The following ACTG2 variants were observed in gnomAD, a reference collection of about 807,000 sequenced individuals.
ACTG2 encodes the protein actin, gamma-enteric smooth muscle.
ACTG2 carries 16 observed loss-of-function variants against 37.6 expected under a neutral mutation model. The observed-to-expected ratio is 0.43, with a 90% confidence interval of 0.29 to 0.65. ACTG2 has a LOEUF of 0.65. Among genes scored for constraint, ACTG2 ranks in the 30% least tolerant of loss-of-function variants. ACTG2 has a pLI of 0.18. For missense variants in ACTG2, 238 were observed against 490.9 expected (o/e 0.48, Z 4.87); for synonymous variants, 181 against 179.9 (o/e 1.01, Z -0.05).
intron 5 of ACTG2, among the ~76,000 whole-genome samples, chr2:73,910,671 G>GTCTTT (rs70965766): frequency 0.61 from 90,967 of 150,298 alleles, 28,406 homozygotes; most frequent in Admixed American, 0.72. Context: ...GCTTATTTTT[G>GTCTTT]TCTTTATTTA....
Position 73,901,432 on chromosome 2 carries a change from C to T in ACTG2, c.121C>T (p.His41Tyr). ...CCCCTCCATTGTGGGCCGCCCTCGCCACCAGGTGCGTGCTCATCTGGATAC... is the reference window on the plus strand; with the variant it reads ...CCCCTCCATTGTGGGCCGCCCTCGCTACCAGGTGCGTGCTCATCTGGATAC... ...VFPSIVGRPRHQGVMVGMGQK... is the reference protein window; with the variant it reads ...VFPSIVGRPRYQGVMVGMGQK... The change falls in exon 2 of 9, where the codon CAC becomes TAC. Residue 41 changes from histidine (H) to tyrosine (Y), a missense_variant. Transcript: ENST00000345517. 6.2e-7 allele frequency: 1 copy of T among 1,614,034 alleles called. No homozygotes were observed. Among genetic ancestry groups the T allele is most frequent in the Non-Finnish European group, 8.5e-7 (1 of 1,179,990 alleles).
intron 3 of ACTG2, among the ~76,000 whole-genome samples, chr2:73,904,739 T>TTGTGTGTG (rs370499600): frequency 1.3e-4 from 13 of 103,814 alleles, no homozygotes; most frequent in South Asian, 7.2e-4. Flanking sequence ...CTATAAATCA[T>TTGTGTGTG]TGTGTGTGTG....
At chr2:73,897,783 C>T (rs1284696526) in intron 1 of ACTG2, among the ~76,000 whole-genome samples, 2 of 152,114 alleles carry the variant, frequency 1.3e-5, no homozygotes, top group African/African-American at 4.8e-5. Context: ...TGGTGAGAGC[C>T]CAGAGTCTGC....
rs192750159 is a variant in ACTG2, at chr2:73,918,232, G to A, written c.988-1200G>A. The stretch of plus-strand genomic sequence containing the variant: ...TTGTTATAGGGGAACTGGGGGAGAT[G>A]AGGCAAGTCTCAAGGACACAGAAGA... On this transcript the variant is annotated intron_variant, in intron 8 of 8. Transcript: ENST00000345517. 2.0e-5 allele frequency among the ~76,000 whole-genome samples: 3 copies of A among 152,294 alleles called. No individual in the cohort carries two copies. In the East Asian group the frequency reaches 5.8e-4, roughly 29 times the overall value.
chr2:73,904,809 A>ATG (rs1679984850), intron 3 of ACTG2, among the ~76,000 whole-genome samples: 1 of 108,308 alleles, frequency 9.2e-6, no homozygotes, highest in Non-Finnish European at 1.9e-5. Context: ...ATATATATAT[A>ATG]TATATAATCT....
intron 3 of ACTG2, among the ~76,000 whole-genome samples, chr2:73,906,547 C>T (rs1482180112): frequency 1.3e-5 from 2 of 152,168 alleles, no homozygotes; most frequent in African/African-American, 4.8e-5. Context: ...GTGGTGCAGT[C>T]ATAACTCACT....
intron 2 of ACTG2, 85 bp downstream of exon 2, chr2:73,901,522 G>C: frequency 7.3e-7 from 1 of 1,371,530 alleles, no homozygotes; most frequent in South Asian, 1.4e-5. Context: ...CTGGGGGTTA[G>C]GGGAAGGAAA....
At chr2:73,913,716 G>A in intron 6 of ACTG2, 70 bp downstream of exon 6, 2 of 1,335,318 alleles carry the variant, frequency 1.5e-6, no homozygotes, top group Admixed American at 2.0e-5. Flanking sequence ...AAGTTCTCAG[G>A]ACCAATGAGA....
At chr2:73,894,246 G>A (rs1272973310) in intron 1 of ACTG2, among the ~76,000 whole-genome samples, 3 of 152,146 alleles carry the variant, frequency 2.0e-5, no homozygotes, top group Non-Finnish European at 2.9e-5. Context: ...CACTGAAGCT[G>A]CTGGTCTGGG....
intron 5 of ACTG2, among the ~76,000 whole-genome samples, chr2:73,912,883 T>C (rs12997980): frequency 0.63 from 95,562 of 151,908 alleles, 30,515 homozygotes; most frequent in Admixed American, 0.73. Flanking sequence ...TTAAGAAATA[T>C]GAGGCTGGAC....
intron 3 of ACTG2, among the ~76,000 whole-genome samples, chr2:73,905,564 T>A (rs1679999735): frequency 6.6e-6 from 1 of 152,106 alleles, no homozygotes; most frequent in Non-Finnish European, 1.5e-5. Flanking sequence ...ACAAAAAAAT[T>A]GAAGTAAAAT....
rs115730407 is a variant in ACTG2, at chr2:73,905,767, A to G, written c.256-2906A>G. Among the ~76,000 whole-genome samples the G allele has an allele frequency of 2.1e-3, 322 of 152,244 alleles. 1 individual carries two copies. Among genetic ancestry groups the G allele is most frequent in the Non-Finnish European group, 3.3e-3 (225 of 68,008 alleles). On this transcript the variant is annotated intron_variant, in intron 3 of 8. Transcript: ENST00000345517. Reference sequence around the variant, plus strand: ...TTAGCCCAGTCATTCCACTTTTAGAATCTTCTTCTTTGGAAAACATCCTGA... The same window carrying G: ...TTAGCCCAGTCATTCCACTTTTAGAGTCTTCTTCTTTGGAAAACATCCTGA...
Position 73,907,787 on chromosome 2 carries a change from C to T in ACTG2, c.256-886C>T, listed in dbSNP as rs542993173. Among the ~76,000 whole-genome samples the T allele has an allele frequency of 3.3e-5, 5 of 152,326 alleles. No homozygotes were observed. In the East Asian group the frequency reaches 9.6e-4, roughly 29 times the overall value. ...TTTTATTGTCACAACTGGAAAACTG[C>T]TGCTAGCATCCAGTGGGTGGAGACC... On this transcript the variant is annotated intron_variant, in intron 3 of 8. Coordinates refer to ENST00000345517, the MANE Select transcript of ACTG2 (RefSeq NM_001615.4).
rs1190070765 is a variant in ACTG2 at position 73,910,365 on chromosome 2, CTT to C, written c.451+1245_451+1246del. On this transcript the variant is annotated intron_variant, in intron 5 of 8. Transcript: ENST00000345517. Reference sequence around the variant, plus strand: ...GTAATAGAAAAACATCTTTTTTCGACTTTTTTTTTTTTTTTTTTTTGAGACGG... The same window carrying C: ...GTAATAGAAAAACATCTTTTTTCGACTTTTTTTTTTTTTTTTTTGAGACGG... 1.1e-4 allele frequency among the ~76,000 whole-genome samples: 9 copies of C among 80,684 alleles called. No homozygotes were observed. In the South Asian group the frequency reaches 1.6e-3, roughly 14 times the overall value. The allele number at this position is 80,684 out of a possible 152,430, so 52.9% of individuals were successfully genotyped here.
At position 73,909,044 on chromosome 2, in the gene ACTG2, T is replaced by C. The variant is rs1463369534; in HGVS notation, c.367-11T>C. The C allele has an allele frequency of 1.2e-6, 2 of 1,613,056 alleles. No homozygotes were observed. Among genetic ancestry groups the C allele is most frequent in the African/African-American group, 2.7e-5 (2 of 74,904 alleles). ...TGCCAAATAATCTTTTATTCTTCAT[T>C]GTCCTTTAAGATCATGTTTGAAACC... On this transcript the variant is annotated splice_polypyrimidine_tract_variant and intron_variant, in intron 4 of 8. Transcript: ENST00000345517.
chr2:73,898,336 AC>A (rs1679795243), intron 1 of ACTG2, among the ~76,000 whole-genome samples: 1 of 144,540 alleles, frequency 6.9e-6, no homozygotes, highest in Non-Finnish European at 1.5e-5. Context: ...CTGCTGTTTC[AC>A]CTACCAAAGC....
In ACTG2 at chr2:73,914,634, CTATCAGAGCTCAGTA is replaced by C. The variant is rs746136686; in HGVS notation, c.614-44_614-30del. 4 of 1,382,380 alleles carry C rather than the reference CTATCAGAGCTCAGTA, an allele frequency of 2.9e-6. No homozygotes were observed. The East Asian group carries it at 1.1e-4, about 39-fold the overall frequency. The allele number at this position is 1,382,380 out of a possible 1,614,324, so 85.6% of individuals were successfully genotyped here. The stretch of plus-strand genomic sequence containing the variant: ...TGGAGATCAAAATGGGACAACCAAA[CTATCAGAGCTCAGTA>C]TTCACCTTCTGTCATTTCTGCTCCT... On this transcript the variant is annotated intron_variant, in intron 6 of 8. Coordinates refer to ENST00000345517, the MANE Select transcript of ACTG2 (RefSeq NM_001615.4).
At chr2:73,902,065 G>C (rs12105235) in intron 2 of ACTG2, among the ~76,000 whole-genome samples, 4 of 151,646 alleles carry the variant, frequency 2.6e-5, no homozygotes, top group Admixed American at 6.6e-5. Context: ...GTGTGTGTCT[G>C]TGTGTAGTAG....
intron 1 of ACTG2, among the ~76,000 whole-genome samples, chr2:73,897,935 T>C (rs1679785022): frequency 6.6e-6 from 1 of 152,238 alleles, no homozygotes; most frequent in Non-Finnish European, 1.5e-5. Context: ...ACCCTGCTGT[T>C]AAAATTGGTA....
Sources: gnomAD v4.1 joint callset for allele counts (sites outside exome capture counted in the v4.1 genomes callset) on GRCh38, gnomAD v4.1.1 for gene constraint, MANE v1.5 for transcripts, NCBI Gene and HGNC (gene_info 2026-07-23, HGNC 2026-07-21) for gene names.